The following CNTNAP2 variants were observed in gnomAD, a reference collection of about 807,000 sequenced individuals.
CNTNAP2 encodes the protein contactin associated protein 2, also known as contactin-associated protein-like 2.
CNTNAP2 carries 98 observed loss-of-function variants against 155.2 expected under a neutral mutation model. The observed-to-expected ratio is 0.63, with a 90% confidence interval of 0.54 to 0.75. The LOEUF is 0.75. Ranked by LOEUF, CNTNAP2 falls within the 30% of genes least tolerant of loss-of-function variation. CNTNAP2 has a pLI of 0.00. For missense variants in CNTNAP2, 1,727 were observed against 1,688.1 expected (o/e 1.02, Z -0.40); for synonymous variants, 651 against 631.2 (o/e 1.03, Z -0.47).
At chr7:147,808,846 A>C (rs781705785) in intron 13 of CNTNAP2, among the ~76,000 whole-genome samples, 1 of 152,186 alleles carries the variant, frequency 6.6e-6, no homozygotes, top group African/African-American at 2.4e-5. Context: ...AGTTTTGACT[A>C]TGGTTAGGAA....
At chr7:146,278,693 A>T (rs1800202555) in intron 1 of CNTNAP2, among the ~76,000 whole-genome samples, 1 of 152,176 alleles carries the variant, frequency 6.6e-6, no homozygotes, top group Non-Finnish European at 1.5e-5. Context: ...CAGTATAAGC[A>T]AAAAGCAGAA....
At chr7:147,629,727 A>T (rs1197212311) in intron 12 of CNTNAP2, among the ~76,000 whole-genome samples, 3 of 152,094 alleles carry the variant, frequency 2.0e-5, no homozygotes, top group Non-Finnish European at 2.9e-5. Flanking sequence ...TTCCTTAATG[A>T]TCATTGAGTC....
chr7:146,725,697 T>C (rs1801419367), intron 1 of CNTNAP2, among the ~76,000 whole-genome samples: 1 of 152,122 alleles, frequency 6.6e-6, no homozygotes, highest in African/African-American at 2.4e-5. Context: ...GCACATCTGA[T>C]GATGGATGGC....
rs2116887653 is a variant in CNTNAP2 at position 147,617,929 on chromosome 7, G to A, written c.1898-21177G>A. On this transcript the variant is annotated intron_variant, in intron 12 of 23. Transcript: ENST00000361727. ...CTTGTATAAGACTGCAAAGCTTTGA[G>A]TTTTGAAAAAACAGTTCTTATTAAT... Among the ~76,000 whole-genome samples the A allele has an allele frequency of 2.0e-5, 3 of 152,182 alleles. No individual in the cohort carries two copies. The South Asian group carries it at 6.2e-4, about 32-fold the overall frequency.
chr7:146,313,861 T>C (rs1055509930), intron 1 of CNTNAP2, among the ~76,000 whole-genome samples: 4 of 152,018 alleles, frequency 2.6e-5, no homozygotes, highest in Non-Finnish European at 5.9e-5. Context: ...TAGCCAGGTG[T>C]GGTAGCACAT....
At chr7:147,848,674 A>T (rs1798861512) in intron 13 of CNTNAP2, among the ~76,000 whole-genome samples, 2 of 151,814 alleles carry the variant, frequency 1.3e-5, no homozygotes, top group Non-Finnish European at 2.9e-5. Flanking sequence ...GGCCTGTCTG[A>T]ATTTCAAAAG....
At chr7:147,911,367 T>A (rs1800064683) in intron 14 of CNTNAP2, among the ~76,000 whole-genome samples, 1 of 152,200 alleles carries the variant, frequency 6.6e-6, no homozygotes, top group South Asian at 2.1e-4. Flanking sequence ...GTCATTTGAT[T>A]GGTTACAGTT....
At chr7:148,084,845 T>C (rs1184539173) in intron 15 of CNTNAP2, among the ~76,000 whole-genome samples, 2 of 152,218 alleles carry the variant, frequency 1.3e-5, no homozygotes, top group African/African-American at 2.4e-5. Flanking sequence ...AAAGTTTCAT[T>C]CAAGGCAATT....
chr7:147,669,373 A>C (rs1181693162), intron 13 of CNTNAP2, among the ~76,000 whole-genome samples: 4 of 152,258 alleles, frequency 2.6e-5, no homozygotes, highest in Non-Finnish European at 5.9e-5. Context: ...TGTTAAAATG[A>C]ACAGCCTTGT....
chr7:147,074,634 G>T (rs973400199), intron 4 of CNTNAP2, among the ~76,000 whole-genome samples: 5 of 152,104 alleles, frequency 3.3e-5, no homozygotes, highest in African/African-American at 1.2e-4. Context: ...AGAATGATAT[G>T]AATAAATAGA....
chr7:146,524,037 A>G (rs562405997), intron 1 of CNTNAP2, among the ~76,000 whole-genome samples: 54 of 152,176 alleles, frequency 3.5e-4, no homozygotes, highest in Middle Eastern at 3.2e-3. Context: ...GGCATCAAGC[A>G]TTAATCAATA....
intron 15 of CNTNAP2, among the ~76,000 whole-genome samples, chr7:148,085,725 C>CCTTCCTTCCT (rs1803714460): frequency 1.5e-5 from 2 of 137,738 alleles, no homozygotes; most frequent in Non-Finnish European, 3.2e-5. Flanking sequence ...CCTTCCTTCC[C>CCTTCCTTCCT]TCCTTCCTTC....
At chr7:148,064,827 C>G (rs1803224405) in intron 15 of CNTNAP2, among the ~76,000 whole-genome samples, 1 of 151,872 alleles carries the variant, frequency 6.6e-6, no homozygotes, top group Non-Finnish European at 1.5e-5. Context: ...TTTTCTTCTG[C>G]TGGGTTTGGG....
intron 4 of CNTNAP2, among the ~76,000 whole-genome samples, chr7:147,089,010 AAGAG>A (rs150639100): frequency 1.4e-5 from 2 of 140,324 alleles, no homozygotes; most frequent in African/African-American, 3.2e-5. Context: ...TAGAGAGAGA[AAGAG>A]AGAAAGAGAA....
intron 13 of CNTNAP2, among the ~76,000 whole-genome samples, chr7:147,658,117 C>A (rs1303143213): frequency 1.4e-5 from 2 of 144,054 alleles, no homozygotes; most frequent in Non-Finnish European, 3.1e-5. Context: ...ATTAGCCGGG[C>A]GTAGTGGCGG....
intron 3 of CNTNAP2, among the ~76,000 whole-genome samples, chr7:146,954,037 T>A (rs2129228649): frequency 6.6e-6 from 1 of 152,094 alleles, no homozygotes; most frequent in South Asian, 2.1e-4. Flanking sequence ...GGTTATAAGA[T>A]TTTCAGATAA....
intron 18 of CNTNAP2, among the ~76,000 whole-genome samples, chr7:148,174,602 CCTACCACACACAGCCGGA>C (rs1794900870): frequency 6.6e-6 from 1 of 152,180 alleles, no homozygotes; most frequent in Non-Finnish European, 1.5e-5. Context: ...CAAGGCCCAA[CCTACCACACACAGCCGGA>C]CTACGTGTTT....
chr7:148,285,429 A>G (rs1585242477), intron 21 of CNTNAP2, among the ~76,000 whole-genome samples: 1 of 152,244 alleles, frequency 6.6e-6, no homozygotes, highest in South Asian at 2.1e-4. Flanking sequence ...AAAGCCATAC[A>G]CAGAAGTGAG....
chr7:147,676,596 G>T (rs555032979), intron 13 of CNTNAP2, among the ~76,000 whole-genome samples: 1 of 151,818 alleles, frequency 6.6e-6, no homozygotes, highest in Non-Finnish European at 1.5e-5. Context: ...TATGATAGAC[G>T]TCTTTAACTT....
Sources: allele counts gnomAD v4.1 joint callset (sites outside exome capture counted in the v4.1 genomes callset), GRCh38; gene constraint gnomAD v4.1.1; transcripts MANE v1.5; gene names NCBI Gene and HGNC (gene_info 2026-07-23, HGNC 2026-07-21).